Variants in ALMS1 observed in about 807,000 individuals in gnomAD.
The protein encoded by ALMS1 is centrosome-associated protein ALMS1.
A neutral mutation model predicts 352.2 loss-of-function variants in ALMS1; 271 were observed. The observed-to-expected ratio is 0.77, with a 90% CI of 0.70 to 0.85. ALMS1 has a LOEUF of 0.85. ALMS1 is among the 40% of genes least tolerant of loss of function. The probability of loss-of-function intolerance (pLI) is 0.00; values close to 1 mark genes in which losing one functional copy is unlikely to be tolerated. For missense variants in ALMS1, 5,445 were observed against 4,870.7 expected (o/e 1.12, Z -3.51); for synonymous variants, 1,865 against 1,761.2 (o/e 1.06, Z -1.48).
At chr2:73,580,010 A>AT (rs1675140589) in intron 16 of ALMS1, among the ~76,000 whole-genome samples, 1 of 152,050 alleles carries the variant, frequency 6.6e-6, no homozygotes, top group South Asian at 2.1e-4. Context: ...CCTAATATGC[A>AT]TCTGTTGGTA....
At chr2:73,588,085 A>G (rs1489245101) in intron 16 of ALMS1, among the ~76,000 whole-genome samples, 1 of 152,228 alleles carries the variant, frequency 6.6e-6, no homozygotes, top group Non-Finnish European at 1.5e-5. Flanking sequence ...GAATTCTATC[A>G]GACATTCAAA....
chr2:73,460,736 A>G (rs1672174432), intron 9 of ALMS1, among the ~76,000 whole-genome samples: 1 of 152,240 alleles, frequency 6.6e-6, no homozygotes, highest in Non-Finnish European at 1.5e-5. Flanking sequence ...CATCACTCCC[A>G]CACTAATACT....
At chr2:73,455,981 T>TC (rs1558652657) in intron 9 of ALMS1, among the ~76,000 whole-genome samples, 1 of 152,200 alleles carries the variant, frequency 6.6e-6, no homozygotes, top group Non-Finnish European at 1.5e-5. Flanking sequence ...TAAATGGCTT[T>TC]CATTTTAATA....
intron 5 of ALMS1, 81 bp downstream of exon 5, chr2:73,424,983 G>A: frequency 8.1e-7 from 1 of 1,234,356 alleles, no homozygotes; most frequent in Non-Finnish European, 1.1e-6. Flanking sequence ...CAATTTTAGT[G>A]TCCCCTTTTC....
At position 73,600,621 on chromosome 2, in the gene ALMS1, A is replaced by G. The variant is rs527290469; in HGVS notation, c.11669-57A>G. The G allele has an allele frequency of 6.0e-6, 9 of 1,504,720 alleles. No homozygotes were observed. The African/African-American group carries it at 8.4e-5, about 14-fold the overall frequency. The allele number at this position is 1,504,720 out of a possible 1,614,324, so 93.2% of individuals were successfully genotyped here. A position where few individuals can be genotyped will look rare whatever the true frequency, so the allele number is the denominator to read the frequency against. On this transcript the variant is annotated intron_variant, in intron 17 of 22. Coordinates refer to ENST00000613296, the MANE Select transcript of ALMS1 (RefSeq NM_001378454.1). ...AGGGTTCACGTACTCACTTGAATAA[A>G]TCTGTCAACTCAGCCTCAAGGTTAC...
At position 73,573,250 on chromosome 2, in the gene ALMS1, T is replaced by G. The variant is rs758244336; in HGVS notation, c.11373T>G (p.Ile3791Met). 4 of 1,613,768 alleles carry G rather than the reference T, an allele frequency of 2.5e-6. No homozygotes were observed. The South Asian group carries it at 4.4e-5, about 18-fold the overall frequency. ...SVSTIDTARL[I>M]QAFGHERVCL... ...CCACTATTGACACTGCCCGGCTGAT[T>G]CAAGCTTTTGGCCATGAAAGAGTAT... Residue 3791 changes from isoleucine to methionine, a missense_variant, in exon 16 of 23, where the codon ATT becomes ATG. Ile to Met is a conservative substitution (Grantham distance 10, BLOSUM62 1). Transcript: ENST00000613296.
At chr2:73,475,178 A>G (rs1318276214) in intron 9 of ALMS1, among the ~76,000 whole-genome samples, 2 of 152,146 alleles carry the variant, frequency 1.3e-5, no homozygotes, top group Admixed American at 6.6e-5. Context: ...GGCCATTGTG[A>G]ATAGTGCTGC....
rs1671939131 is a variant in ALMS1 at position 73,451,496 on chromosome 2, A to T, written c.4969A>T (p.Thr1657Ser). ...APGPADQKTETLPVHSTSYSN... is the reference protein window; with the variant it reads ...APGPADQKTESLPVHSTSYSN... The stretch of plus-strand genomic sequence containing the variant: ...TGGACCAGCTGACCAGAAGACTGAG[A>T]CATTACCAGTACATTCTACTAGCTA... The change falls in exon 8 of 23, where the codon ACA (threonine) becomes TCA (serine). Residue 1657 changes from threonine to serine, a missense_variant. Thr to Ser is a moderately conservative substitution (Grantham distance 58). Transcript: ENST00000613296. 6.2e-7 allele frequency: 1 copy of T among 1,612,982 alleles called. No homozygotes were observed. Among genetic ancestry groups the T allele is most frequent in the Non-Finnish European group, 8.5e-7 (1 of 1,179,726 alleles).
intron 21 of ALMS1, among the ~76,000 whole-genome samples, chr2:73,605,363 A>G (rs1675794301): frequency 6.6e-6 from 1 of 152,244 alleles, no homozygotes; most frequent in South Asian, 2.1e-4. Context: ...ACATTTGTCA[A>G]CATTTGGAAG....
intron 15 of ALMS1, among the ~76,000 whole-genome samples, chr2:73,564,449 G>A (rs1276082041): frequency 7.8e-6 from 1 of 128,708 alleles, no homozygotes; most frequent in Non-Finnish European, 1.6e-5. Flanking sequence ...CCAAACGACA[G>A]AGCAAGACTC....
rs137932879 is a variant in ALMS1, at chr2:73,479,111, T to C, written c.7675-10523T>C. 2.0e-3 allele frequency among the ~76,000 whole-genome samples: 298 copies of C among 152,280 alleles called. 1 individual carries two copies. The highest frequency in any genetic ancestry group is 3.5e-3 in the Non-Finnish European group (236 of 68,010). Reference sequence around the variant, plus strand: ...TCATTGATGGGCAAAAAGTGGCATTTTTAAAGTGTTAGTTTTGTCCAGTGG... The same window carrying C: ...TCATTGATGGGCAAAAAGTGGCATTCTTAAAGTGTTAGTTTTGTCCAGTGG... On this transcript the variant is annotated intron_variant, in intron 9 of 22. Transcript: ENST00000613296.
At chr2:73,462,883 G>T (rs1229955467) in intron 9 of ALMS1, 4 of 151,970 alleles carry the variant, frequency 2.6e-5, no homozygotes, top group African/African-American at 9.7e-5. Context: ...ATGGTAAAGG[G>T]ATCAATTCAA....
intron 9 of ALMS1, among the ~76,000 whole-genome samples, chr2:73,472,539 A>C (rs536788586): frequency 8.5e-5 from 13 of 152,178 alleles, no homozygotes; most frequent in African/African-American, 3.1e-4. Context: ...GGCTCTTGCA[A>C]AAACACCTAA....
intron 8 of ALMS1, among the ~76,000 whole-genome samples, chr2:73,454,747 G>A (rs575744368): frequency 5.2e-4 from 79 of 152,148 alleles, no homozygotes; most frequent in Admixed American, 1.0e-3. Context: ...CGTCCCTTGA[G>A]GTTAACTTCC....
intron 16 of ALMS1, among the ~76,000 whole-genome samples, chr2:73,581,836 C>T (rs984761298): frequency 9.2e-5 from 14 of 152,106 alleles, no homozygotes; most frequent in African/African-American, 3.4e-4. Context: ...CCTCTGCCTC[C>T]TGGGTTCAAG....
chr2:73,605,381 C>T (rs1421911976), intron 21 of ALMS1, among the ~76,000 whole-genome samples: 38 of 152,204 alleles, frequency 2.5e-4, no homozygotes, highest in Non-Finnish European at 1.5e-5. Flanking sequence ...AAGATCTGCA[C>T]AACTCCCTGG....
chr2:73,522,375 T>G lies in ALMS1; in HGVS notation c.9781+2359T>G, dbSNP rs571985492. On this transcript the variant is annotated intron_variant, in intron 11 of 22. Coordinates refer to ENST00000613296, the MANE Select transcript of ALMS1 (RefSeq NM_001378454.1). ...AACTACGGGAACGACCAAATAGAAT[T>G]GGAGGCTACAGCTTTTTTCTTTTTC... Among the ~76,000 whole-genome samples, 301 of 152,204 alleles carry G rather than the reference T, an allele frequency of 2.0e-3. 1 individual carries two copies. The highest frequency in any genetic ancestry group is 6.9e-3 in the African/African-American group (286 of 41,522).
intron 9 of ALMS1, among the ~76,000 whole-genome samples, chr2:73,472,511 T>G (rs1672488522): frequency 6.6e-6 from 1 of 152,052 alleles, no homozygotes; most frequent in Admixed American, 6.6e-5. Flanking sequence ...TATAATATGG[T>G]GGAGTAGGGA....
rs1672941877 is a variant in ALMS1 at position 73,490,002 on chromosome 2, A to G, written c.8043A>G (p.Ser2681=). 3 of 1,614,136 alleles carry G rather than the reference A, an allele frequency of 1.9e-6. No individual in the cohort carries two copies. The change falls in exon 10 of 23, where the codon TCA becomes TCG. Residue 2681 remains serine, a synonymous_variant. Coordinates refer to ENST00000613296, the MANE Select transcript of ALMS1 (RefSeq NM_001378454.1). ...PFDEKMDPWL[S]ELVEPAFVPP... ...ATGAAAAGATGGACCCTTGGCTGTCAGAATTAGTAGAACCTGCTTTTGTGC... is the reference window on the plus strand; with the variant it reads ...ATGAAAAGATGGACCCTTGGCTGTCGGAATTAGTAGAACCTGCTTTTGTGC...
Sources: allele counts gnomAD v4.1 joint callset (sites outside exome capture counted in the v4.1 genomes callset), GRCh38; gene constraint gnomAD v4.1.1; transcripts MANE v1.5; gene names NCBI Gene and HGNC (gene_info 2026-07-23, HGNC 2026-07-21).